COL4A4: variants seen among roughly 807,000 people sequenced by gnomAD.
COL4A4 encodes collagen alpha-4(IV) chain.
COL4A4 carries 105 observed loss-of-function variants against 192.9 expected under a neutral mutation model. The ratio of observed to expected loss-of-function variants is 0.54; its 90% confidence interval spans 0.46 to 0.64. COL4A4 has a LOEUF of 0.64. Among genes scored for constraint, COL4A4 ranks in the 30% least tolerant of loss-of-function variants. COL4A4 has a pLI of 0.00. For missense variants in COL4A4, 1,967 were observed against 2,169.3 expected (o/e 0.91, Z 1.85); for synonymous variants, 762 against 769.9 (o/e 0.99, Z 0.17).
intron 25 of COL4A4, among the ~76,000 whole-genome samples, chr2:227,067,034 A>G (rs2058385364): frequency 6.6e-6 from 1 of 151,404 alleles, no homozygotes; most frequent in South Asian, 2.1e-4. Context: ...CTACCAAGCA[A>G]ATGGAAAACA....
At chr2:226,970,819 T>A in the COL4A4 span, among the ~76,000 whole-genome samples, 1 of 152,212 alleles carries the variant, frequency 6.6e-6, no homozygotes, top group Non-Finnish European at 1.5e-5. Context: ...CAAGGCAATC[T>A]TGGCAGCTGG....
intron 25 of COL4A4, among the ~76,000 whole-genome samples, chr2:227,071,348 C>T (rs2058711665): frequency 6.6e-6 from 1 of 151,994 alleles, no homozygotes; most frequent in South Asian, 2.1e-4. Flanking sequence ...CAAGAAGATA[C>T]TACAATCATA....
chr2:227,146,663 T>G (rs1220346131), intron 2 of COL4A4, among the ~76,000 whole-genome samples: 3 of 152,188 alleles, frequency 2.0e-5, no homozygotes, highest in Admixed American at 2.0e-4. Flanking sequence ...CAGAGCTGTA[T>G]TCCTTCTGGA....
At chr2:227,024,545 A>G (rs1966638638) in intron 43 of COL4A4, among the ~76,000 whole-genome samples, 2 of 152,262 alleles carry the variant, frequency 1.3e-5, no homozygotes, top group African/African-American at 4.8e-5. Flanking sequence ...GTGTTCTTCA[A>G]ATGTATGCAA....
intron 24 of COL4A4, 64 bp from the exon 25 acceptor site, chr2:227,078,141 T>C (rs2059132311): frequency 1.3e-6 from 2 of 1,560,550 alleles, no homozygotes; most frequent in East Asian, 2.2e-5. Context: ...AAAGCAGTCA[T>C]TGTAGGTTAC....
chr2:227,114,480 C>A, intron 8 of COL4A4, 148 bp downstream of exon 8: 1 of 748,342 alleles, frequency 1.3e-6, no homozygotes, highest in African/African-American at 1.7e-5. Context: ...CACACAAAAG[C>A]ATGATGCCAT....
In COL4A4 at chr2:227,022,045, T is replaced by C; in HGVS notation, c.4216+3A>G. On this transcript the variant is annotated splice_donor_region_variant and intron_variant, in intron 44 of 47. Transcript: ENST00000396625. ...TAATGAACAATCAGCATGCGGCTCA[T>C]ACCTGGTCCTGAGGGGCCTCTCATT... is the stretch of plus-strand genomic sequence containing the variant. 1.9e-6 allele frequency: 3 copies of C among 1,613,932 alleles called. No individual in the cohort carries two copies. Among genetic ancestry groups the C allele is most frequent in the South Asian group, 2.2e-5 (2 of 91,072 alleles).
chr2:227,069,232 G>A (rs1272506730), intron 25 of COL4A4, among the ~76,000 whole-genome samples: 1 of 150,766 alleles, frequency 6.6e-6, no homozygotes, highest in African/African-American at 2.4e-5. Context: ...ACAAACAAAT[G>A]GAAGAATATT....
At chr2:227,043,015 T>C in intron 36 of COL4A4, 62 bp downstream of exon 36, 1 of 1,228,868 alleles carries the variant, frequency 8.1e-7, no homozygotes, top group South Asian at 1.2e-5. Flanking sequence ...AGACTGGTGG[T>C]TTCTGAAACA....
chr2:227,138,654 A>T (rs1311957200), intron 4 of COL4A4, among the ~76,000 whole-genome samples: 1 of 152,154 alleles, frequency 6.6e-6, no homozygotes, highest in African/African-American at 2.4e-5. Context: ...AAAAAAAAGA[A>T]AAAGCTCAAG....
the COL4A4 span, among the ~76,000 whole-genome samples, chr2:226,986,064 T>TA: frequency 1.8e-3 from 279 of 152,356 alleles, 1 homozygote; most frequent in African/African-American, 6.2e-3. Context: ...ACCTCTATGG[T>TA]ATTCTTCACC....
At chr2:226,985,190 C>T in the COL4A4 span, among the ~76,000 whole-genome samples, 2 of 152,160 alleles carry the variant, frequency 1.3e-5, no homozygotes, top group Admixed American at 6.5e-5. Flanking sequence ...GCAGCATGCA[C>T]AATAGCAGGA....
At chr2:227,138,596 G>A (rs1429537276) in intron 4 of COL4A4, among the ~76,000 whole-genome samples, 3 of 150,680 alleles carry the variant, frequency 2.0e-5, no homozygotes, top group African/African-American at 7.3e-5. Context: ...TCGCGCCACC[G>A]CACTCCAGCC....
chr2:227,056,459 C>G (rs369630636), intron 29 of COL4A4, among the ~76,000 whole-genome samples: 5 of 152,140 alleles, frequency 3.3e-5, no homozygotes, highest in African/African-American at 1.2e-4. Context: ...TCCTGAAGCT[C>G]TACAGCCGAG....
intron 43 of COL4A4, among the ~76,000 whole-genome samples, chr2:227,024,822 T>A (rs1966697231): frequency 6.6e-6 from 1 of 152,352 alleles, no homozygotes; most frequent in South Asian, 2.1e-4. Context: ...GAGAGATGCA[T>A]AGAGGCATCT....
chr2:227,142,097 CAAAAAAAA>C (rs531488311), intron 3 of COL4A4, among the ~76,000 whole-genome samples: 2,769 of 118,976 alleles, frequency 0.023, 110 homozygotes, highest in African/African-American at 0.08. Context: ...TTAGTAGATT[CAAAAAAAA>C]AAAAAAAAAA....
chr2:227,156,414 A>G (rs1240199355), intron 1 of COL4A4, among the ~76,000 whole-genome samples: 2 of 149,434 alleles, frequency 1.3e-5, no homozygotes, highest in Non-Finnish European at 3.0e-5. Context: ...AAAAAAAGTG[A>G]AAACCAGGGC....
chr2:227,101,753 T>C (rs1466267147), intron 16 of COL4A4, 112 bp downstream of exon 16: 11 of 1,075,614 alleles, frequency 1.0e-5, no homozygotes, highest in Non-Finnish European at 1.5e-5. Flanking sequence ...AAAATGAATG[T>C]GTCTGCCTTC....
the COL4A4 span, among the ~76,000 whole-genome samples, chr2:226,983,008 C>G: frequency 6.6e-6 from 1 of 152,210 alleles, no homozygotes; most frequent in South Asian, 2.1e-4. Context: ...AGGAAACTAC[C>G]AGTCTTTGAC....
Sources: allele counts gnomAD v4.1 joint callset (sites outside exome capture counted in the v4.1 genomes callset), GRCh38; gene constraint gnomAD v4.1.1; transcripts MANE v1.5; gene names NCBI Gene and HGNC (gene_info 2026-07-23, HGNC 2026-07-21).